CADM2: variants seen among roughly 807,000 people sequenced by gnomAD.
CADM2 encodes the protein cell adhesion molecule 2.
A neutral mutation model predicts 49.8 loss-of-function variants in CADM2; 12 were observed. The ratio of observed to expected loss-of-function variants is 0.24; its 90% CI spans 0.15 to 0.39. The LOEUF (loss-of-function observed/expected upper bound fraction) is 0.39, where lower values mean the gene tolerates loss of function less well. Among genes scored for constraint, CADM2 ranks in the 10% least tolerant of loss-of-function variants. CADM2 has a pLI of 1.00. For missense variants in CADM2, 378 were observed against 492.3 expected (o/e 0.77, Z 2.20); for synonymous variants, 214 against 175.4 (o/e 1.22, Z -1.74).
intron 1 of CADM2, among the ~76,000 whole-genome samples, chr3:85,395,103 A>G (rs2034707039): frequency 6.6e-6 from 1 of 151,394 alleles, no homozygotes; most frequent in African/African-American, 2.4e-5. Flanking sequence ...TGGGATACAT[A>G]GGGAGACCCC....
intron 1 of CADM2, among the ~76,000 whole-genome samples, chr3:85,247,900 A>T (rs2042685349): frequency 6.6e-6 from 1 of 152,040 alleles, no homozygotes; most frequent in South Asian, 2.1e-4. Flanking sequence ...TGTAAAACAG[A>T]TATAAGATTG....
intron 2 of CADM2, among the ~76,000 whole-genome samples, chr3:85,763,861 T>G (rs2069516963): frequency 6.6e-6 from 1 of 152,166 alleles, no homozygotes; most frequent in African/African-American, 2.4e-5. Context: ...CATACCCTCT[T>G]TACTGATATT....
chr3:85,662,613 C>CT (rs1472609425), intron 1 of CADM2, among the ~76,000 whole-genome samples: 3 of 152,024 alleles, frequency 2.0e-5, no homozygotes, highest in African/African-American at 7.2e-5. Flanking sequence ...GCAAATGATA[C>CT]TTTTGTCAGG....
intron 2 of CADM2, among the ~76,000 whole-genome samples, chr3:85,795,679 G>T (rs563627159): frequency 8.5e-5 from 13 of 152,054 alleles, no homozygotes; most frequent in Non-Finnish European, 1.8e-4. Context: ...AATTATAAAA[G>T]TAAGGTATCA....
intron 1 of CADM2, among the ~76,000 whole-genome samples, chr3:85,414,592 T>C (rs185829422): frequency 3.3e-5 from 5 of 152,262 alleles, no homozygotes; most frequent in Admixed American, 6.5e-5. Flanking sequence ...TGATTAGTGT[T>C]CAATCCCCCA....
intron 1 of CADM2, among the ~76,000 whole-genome samples, chr3:85,539,514 G>T (rs1312738259): frequency 6.6e-6 from 1 of 151,860 alleles, no homozygotes; most frequent in Non-Finnish European, 1.5e-5. Flanking sequence ...CTTACTAATG[G>T]TATAGATGCT....
intron 2 of CADM2, among the ~76,000 whole-genome samples, chr3:85,761,225 C>T (rs1478287022): frequency 6.6e-6 from 1 of 151,984 alleles, no homozygotes; most frequent in East Asian, 1.9e-4. Flanking sequence ...AACCCGTTTT[C>T]TAGACACTCT....
intron 8 of CADM2, among the ~76,000 whole-genome samples, chr3:86,060,812 T>C (rs1738542425): frequency 6.6e-6 from 1 of 151,990 alleles, no homozygotes; most frequent in Non-Finnish European, 1.5e-5. Context: ...TGAAACCTCA[T>C]CTCTACTGAA....
intron 1 of CADM2, among the ~76,000 whole-genome samples, chr3:85,716,027 G>A (rs2067280514): frequency 6.6e-6 from 1 of 152,144 alleles, no homozygotes. Flanking sequence ...ACCCAGTAAT[G>A]GGATTGCTGG....
chr3:85,253,871 G>GT (rs1259511123), intron 1 of CADM2, among the ~76,000 whole-genome samples: 6 of 152,054 alleles, frequency 3.9e-5, no homozygotes, highest in African/African-American at 1.4e-4. Flanking sequence ...AAAGCAAAGT[G>GT]TTTTTTCCTA....
chr3:85,289,209 C>T (rs934739808), intron 1 of CADM2, among the ~76,000 whole-genome samples: 13 of 152,150 alleles, frequency 8.5e-5, no homozygotes, highest in African/African-American at 2.7e-4. Flanking sequence ...CAATTATATC[C>T]TGACTTTCAT....
intron 8 of CADM2, among the ~76,000 whole-genome samples, chr3:85,972,575 T>C (rs1210807588): frequency 6.6e-6 from 1 of 151,810 alleles, no homozygotes; most frequent in African/African-American, 2.4e-5. Context: ...CAGCTTGGGC[T>C]TCTGGGACTC....
chr3:85,410,773 G>A (rs2035621499), intron 1 of CADM2, among the ~76,000 whole-genome samples: 1 of 152,152 alleles, frequency 6.6e-6, no homozygotes. Flanking sequence ...CTCTTTGTAG[G>A]TGATAGTGAA....
At chr3:85,813,120 A>G (rs1003451773) in intron 3 of CADM2, among the ~76,000 whole-genome samples, 1 of 152,128 alleles carries the variant, frequency 6.6e-6, no homozygotes, top group African/African-American at 2.4e-5. Flanking sequence ...TTGAGGAATC[A>G]CCACACTGTC....
chr3:85,591,044 C>T (rs1332653571), intron 1 of CADM2, among the ~76,000 whole-genome samples: 3 of 151,682 alleles, frequency 2.0e-5, no homozygotes, highest in African/African-American at 7.3e-5. Flanking sequence ...AGAGTTTGGT[C>T]AGAAGTGCTA....
At position 85,342,285 on chromosome 3, in the gene CADM2, G is replaced by GA. The variant is rs372371863; in HGVS notation, c.61+382623dup. On this transcript the variant is annotated intron_variant, in intron 1 of 9. Transcript: ENST00000383699. ...AAATGCTCATCATCACTGGCCATGA[G>GA]AAAAAATGCATTAATTTTTAAGTAG... 7.9e-3 allele frequency among the ~76,000 whole-genome samples: 1,208 copies of GA among 152,056 alleles called. 10 individuals carry two copies. The highest frequency in any genetic ancestry group is 0.021 in the Middle Eastern group (6 of 290).
intron 1 of CADM2, among the ~76,000 whole-genome samples, chr3:85,696,870 A>G (rs1383774559): frequency 6.6e-6 from 1 of 151,814 alleles, no homozygotes; most frequent in Non-Finnish European, 1.5e-5. Context: ...TCTTGACTAT[A>G]TGTCCAAAAA....
chr3:85,120,651 G>C (rs1302330134), intron 1 of CADM2, among the ~76,000 whole-genome samples: 1 of 152,008 alleles, frequency 6.6e-6, no homozygotes, highest in Non-Finnish European at 1.5e-5. Flanking sequence ...CATAGGGAGG[G>C]GAACATCACA....
intron 1 of CADM2, among the ~76,000 whole-genome samples, chr3:85,196,131 G>T (rs73845407): frequency 3.9e-4 from 59 of 152,066 alleles, no homozygotes; most frequent in African/African-American, 1.4e-3. Context: ...ATTCAGATTG[G>T]TAAATGTGCT....
Sources: allele counts gnomAD v4.1 joint callset (sites outside exome capture counted in the v4.1 genomes callset), GRCh38; gene constraint gnomAD v4.1.1; transcripts MANE v1.5; gene names NCBI Gene and HGNC (gene_info 2026-07-23, HGNC 2026-07-21).